Variants in ARMC2 observed in about 807,000 individuals in gnomAD.
The protein encoded by ARMC2 is armadillo repeat containing 2.
Under a neutral mutation model 90.3 loss-of-function variants are expected in ARMC2, and 67 were observed. That is an observed-to-expected ratio of 0.74 (90% CI 0.61 to 0.91). The LOEUF (loss-of-function observed/expected upper bound fraction) is 0.91, where lower values mean the gene tolerates loss of function less well. Ranked by LOEUF, ARMC2 falls within the 40% of genes least tolerant of loss-of-function variation. ARMC2 has a pLI of 0.00. For missense variants in ARMC2, 920 were observed against 1,030.9 expected (o/e 0.89, Z 1.47); for synonymous variants, 393 against 393.0 (o/e 1.00, Z 0.00).
chr6:108,884,571 G>A (rs1440066001), intron 5 of ARMC2, among the ~76,000 whole-genome samples: 1 of 152,198 alleles, frequency 6.6e-6, no homozygotes, highest in Non-Finnish European at 1.5e-5. Flanking sequence ...GGAGCACTGT[G>A]TTCTTGGCTA....
At position 108,964,278 on chromosome 6, in the gene ARMC2, C is replaced by T. The variant is rs370926614; in HGVS notation, c.2251C>T (p.Arg751Cys). Residue 751 changes from arginine (R) to cysteine (C), a missense_variant, in exon 16 of 18, where the codon CGT (arginine) becomes TGT (cysteine). By Grantham distance (180) the Arg-to-Cys change is radical (BLOSUM62 -3). Coordinates refer to ENST00000392644, the MANE Select transcript of ARMC2 (RefSeq NM_032131.6). ...LLNLTVDKDKRVILKEGGGIK... is the reference protein window; with the variant it reads ...LLNLTVDKDKCVILKEGGGIK... ...CAATCTCACTGTGGATAAAGACAAG[C>T]GTGTCATCTTGAAAGAAGGAGGTGG... is the stretch of plus-strand genomic sequence containing the variant. 337 of 1,613,876 alleles carry T rather than the reference C, an allele frequency of 2.1e-4. 2 individuals are homozygous for T. Among genetic ancestry groups the T allele is most frequent in the South Asian group, 1.1e-3 (99 of 91,060 alleles).
chr6:108,891,191 G>T (rs898764531), intron 5 of ARMC2, among the ~76,000 whole-genome samples: 1 of 152,118 alleles, frequency 6.6e-6, no homozygotes, highest in Non-Finnish European at 1.5e-5. Flanking sequence ...TTGCTATTGT[G>T]AACAGTGCTG....
At position 108,907,875 on chromosome 6, in the gene ARMC2, T is replaced by TA. The variant is rs1459093603; in HGVS notation, c.1024-3023dup. 4 of 1,609,434 alleles carry TA rather than the reference T, an allele frequency of 2.5e-6. No homozygotes were observed. In the East Asian group the frequency reaches 6.7e-5, roughly 27 times the overall value. On this transcript the variant is annotated intron_variant, in intron 8 of 17. Transcript: ENST00000392644. Reference sequence around the variant, plus strand: ...TTCACTGGTACAACTGACGCTATCTTAGAGTCCTGGTGTCCGCTGTGTTCT... The same window carrying TA: ...TTCACTGGTACAACTGACGCTATCTTAAGAGTCCTGGTGTCCGCTGTGTTCT...
intron 12 of ARMC2, among the ~76,000 whole-genome samples, chr6:108,941,239 G>C (rs9398182): frequency 0.3 from 45,778 of 151,948 alleles, 8,534 homozygotes; most frequent in East Asian, 0.59. Context: ...TCAAGTTGTA[G>C]CTCTCTTGTC....
At chr6:108,872,451 C>G (rs2128433608) in intron 4 of ARMC2, among the ~76,000 whole-genome samples, 1 of 152,296 alleles carries the variant, frequency 6.6e-6, no homozygotes, top group East Asian at 1.9e-4. Flanking sequence ...TGCATTCTCC[C>G]TCACCACCGC....
intron 8 of ARMC2, among the ~76,000 whole-genome samples, chr6:108,906,469 G>A (rs960135228): frequency 3.3e-5 from 5 of 151,176 alleles, no homozygotes; most frequent in Non-Finnish European, 5.9e-5. Flanking sequence ...CCTACTTTGT[G>A]CCAACATTTT....
chr6:108,966,037 G>T (rs915597961), intron 17 of ARMC2, among the ~76,000 whole-genome samples: 1 of 147,782 alleles, frequency 6.8e-6, no homozygotes, highest in Admixed American at 6.8e-5. Context: ...CAATGATTTG[G>T]GTCAGTAAGT....
chr6:108,928,093 T>G lies in ARMC2; in HGVS notation c.1356T>G (p.Thr452=), dbSNP rs1775248724. Residue 452 remains threonine (T), a synonymous_variant, in exon 11 of 18, where the codon ACT becomes ACG. Coordinates refer to ENST00000392644, the MANE Select transcript of ARMC2 (RefSeq NM_032131.6). ...CAAGCATGCTTTTATCCTAGGTGAC[T>G]GCTACATTGAGAAACTTGGTTGATT... is the stretch of plus-strand genomic sequence containing the variant. ...PNSGHLLVQV[T]ATLRNLVDSS... is the part of the protein sequence containing the mutation. The G allele has an allele frequency of 1.2e-6, 2 of 1,603,196 alleles. No homozygotes were observed. Among genetic ancestry groups the G allele is most frequent in the African/African-American group, 1.3e-5 (1 of 74,448 alleles).
chr6:109,044,311 C>CAAAAAAAAAAAAAAAAAA, the ARMC2 span, among the ~76,000 whole-genome samples: 1 of 28,458 alleles, frequency 3.5e-5, no homozygotes, highest in Middle Eastern at 0.016. Flanking sequence ...GAACTTGCCT[C>CAAAAAAAAAAAAAAAAAA]AAAAAAAAAA....
chr6:108,993,067 T>C, the ARMC2 span: 1 of 556,414 alleles, frequency 1.8e-6, no homozygotes, highest in Non-Finnish European at 3.1e-6. Flanking sequence ...GTAAACAGAA[T>C]GTAGTAAAAG....
intron 4 of ARMC2, among the ~76,000 whole-genome samples, chr6:108,870,991 C>G (rs1776351503): frequency 6.6e-6 from 1 of 152,184 alleles, no homozygotes; most frequent in Non-Finnish European, 1.5e-5. Context: ...TTTGCTTTAG[C>G]TCAGGTGGCT....
the ARMC2 span, among the ~76,000 whole-genome samples, chr6:109,047,906 T>G: frequency 2.1e-5 from 3 of 146,188 alleles, 1 homozygote; most frequent in Admixed American, 1.4e-4. Flanking sequence ...GCATGCTGGT[T>G]AAGAGTCATC....
At chr6:108,949,668 G>C (rs1562420078) in intron 12 of ARMC2, among the ~76,000 whole-genome samples, 1 of 152,228 alleles carries the variant, frequency 6.6e-6, no homozygotes, top group Non-Finnish European at 1.5e-5. Flanking sequence ...GGGTGGAGGA[G>C]AAGCTACCAA....
At chr6:109,021,876 T>C in the ARMC2 span, among the ~76,000 whole-genome samples, 1 of 152,220 alleles carries the variant, frequency 6.6e-6, no homozygotes, top group East Asian at 1.9e-4. Context: ...TTTTAAACCC[T>C]AATAATTCAG....
intron 5 of ARMC2, among the ~76,000 whole-genome samples, chr6:108,877,506 G>A (rs1777056133): frequency 6.6e-6 from 1 of 152,170 alleles, no homozygotes; most frequent in African/African-American, 2.4e-5. Flanking sequence ...ACTTCAAATT[G>A]GGACTTTGGG....
At chr6:108,952,724 C>T (rs1375547296) in intron 12 of ARMC2, among the ~76,000 whole-genome samples, 3 of 152,092 alleles carry the variant, frequency 2.0e-5, no homozygotes, top group African/African-American at 7.2e-5. Context: ...TAATGCTGTC[C>T]CACTCAACTA....
intron 5 of ARMC2, among the ~76,000 whole-genome samples, chr6:108,883,534 C>G (rs1450244777): frequency 6.6e-6 from 1 of 152,138 alleles, no homozygotes; most frequent in African/African-American, 2.4e-5. Context: ...GTACTGATTT[C>G]TTTACTTTCA....
chr6:108,894,577 T>G, intron 6 of ARMC2, 34 bp downstream of exon 6: 2 of 1,543,256 alleles, frequency 1.3e-6, no homozygotes, highest in East Asian at 2.4e-5. Flanking sequence ...ATCTACAGCA[T>G]CTCCACTTGA....
chr6:108,908,722 G>T (rs1018294307), intron 8 of ARMC2, among the ~76,000 whole-genome samples: 5 of 151,966 alleles, frequency 3.3e-5, no homozygotes, highest in African/African-American at 1.2e-4. Context: ...CTGCACTCCA[G>T]CCTGGGTGAA....
Sources: allele counts gnomAD v4.1 joint callset (sites outside exome capture counted in the v4.1 genomes callset), GRCh38; gene constraint gnomAD v4.1.1; transcripts MANE v1.5; gene names NCBI Gene and HGNC (gene_info 2026-07-23, HGNC 2026-07-21).